COL25A1: variants seen among roughly 807,000 people sequenced by gnomAD.
The protein encoded by COL25A1 is collagen type XXV alpha 1 chain.
COL25A1 carries 103 observed loss-of-function variants against 128.4 expected under a neutral mutation model. The ratio of observed to expected loss-of-function variants is 0.80; its 90% confidence interval spans 0.68 to 0.94. The LOEUF (loss-of-function observed/expected upper bound fraction) is 0.94, where lower values mean the gene tolerates loss of function less well. Ranked by LOEUF, COL25A1 falls within the 40% of genes least tolerant of loss-of-function variation. The probability of loss-of-function intolerance (pLI) is 0.00; values close to 1 mark genes in which losing one functional copy is unlikely to be tolerated. For synonymous variants in COL25A1, 279 were observed against 277.2 expected (o/e 1.01, Z -0.06); for missense variants, 745 against 840.0 (o/e 0.89, Z 1.40).
chr4:108,844,383 G>T, intron 30 of COL25A1, 136 bp downstream of exon 30: 1 of 1,439,970 alleles, frequency 6.9e-7, no homozygotes, highest in Non-Finnish European at 9.6e-7. Flanking sequence ...ATATCTCAAA[G>T]CACCTGGTAT....
intron 3 of COL25A1, among the ~76,000 whole-genome samples, chr4:109,142,867 G>T (rs1047223395): frequency 1.3e-5 from 2 of 151,858 alleles, no homozygotes; most frequent in Admixed American, 1.3e-4. Context: ...TATCCAATTT[G>T]CCAGTCTGTG....
At chr4:109,243,943 G>A (rs745398582) in intron 3 of COL25A1, among the ~76,000 whole-genome samples, 5 of 152,030 alleles carry the variant, frequency 3.3e-5, no homozygotes, top group Admixed American at 6.6e-5. Flanking sequence ...GTCTCAGAAA[G>A]TACTGAAGGC....
In COL25A1 at chr4:109,222,055, A is replaced by ACCT. The variant is rs1264369583; in HGVS notation, c.367+78527_367+78528insAGG. On this transcript the variant is annotated intron_variant, in intron 3 of 37. Coordinates refer to ENST00000399132, the MANE Select transcript of COL25A1 (RefSeq NM_198721.4). ...ACTTTTTGTATTTGTGCTCTAAATA[A>ACCT]CTTCTTTTTTTTTTTTTTTTTTTTT... Among the ~76,000 whole-genome samples, 643 of 122,502 alleles carry ACCT rather than the reference A, an allele frequency of 5.2e-3. 18 individuals are homozygous for ACCT. Among genetic ancestry groups the ACCT allele is most frequent in the African/African-American group, 0.022 (570 of 26,476 alleles). The allele number at this position is 122,502 out of a possible 152,430, so 80.4% of individuals were successfully genotyped here. A position where few individuals can be genotyped will look rare whatever the true frequency, so the allele number is the denominator to read the frequency against.
chr4:108,843,233 A>G (rs1417942980), intron 30 of COL25A1, among the ~76,000 whole-genome samples: 3 of 151,974 alleles, frequency 2.0e-5, no homozygotes, highest in Admixed American at 6.6e-5. Flanking sequence ...AAAAGAAAAT[A>G]AGGTCAATAA....
intron 3 of COL25A1, among the ~76,000 whole-genome samples, chr4:109,119,463 T>C (rs1767913642): frequency 6.6e-6 from 1 of 151,832 alleles, no homozygotes. Context: ...ACACACAAAT[T>C]GCTGATAAAG....
intron 3 of COL25A1, among the ~76,000 whole-genome samples, chr4:109,234,189 T>A (rs1043587611): frequency 4.6e-5 from 7 of 152,160 alleles, no homozygotes; most frequent in African/African-American, 1.7e-4. Flanking sequence ...TCAAAATGTC[T>A]CTTTGCATAA....
intron 6 of COL25A1, 24 bp from the exon 7 acceptor site, chr4:108,974,583 A>C: frequency 6.3e-7 from 1 of 1,580,668 alleles, no homozygotes; most frequent in Non-Finnish European, 8.6e-7. Context: ...AGAGAAAAAA[A>C]ATTTTAATTA....
intron 3 of COL25A1, among the ~76,000 whole-genome samples, chr4:109,133,451 T>C (rs980621192): frequency 2.4e-4 from 36 of 152,066 alleles, no homozygotes; most frequent in East Asian, 3.9e-4. Flanking sequence ...CATTAAGACA[T>C]TGAAGGAAAA....
chr4:108,852,766 A>G, intron 25 of COL25A1, 136 bp downstream of exon 25: 1 of 687,398 alleles, frequency 1.5e-6, no homozygotes. Flanking sequence ...GAGCAAATGT[A>G]AAAGATTATT....
intron 3 of COL25A1, among the ~76,000 whole-genome samples, chr4:109,260,712 T>C (rs1255600420): frequency 1.3e-5 from 2 of 152,170 alleles, no homozygotes; most frequent in Non-Finnish European, 2.9e-5. Flanking sequence ...GCCAGGCTGG[T>C]CTCGAATTCC....
At chr4:109,047,888 A>G (rs552598949) in intron 5 of COL25A1, among the ~76,000 whole-genome samples, 1 of 151,882 alleles carries the variant, frequency 6.6e-6, no homozygotes, top group East Asian at 1.9e-4. Flanking sequence ...GCCCACCAAC[A>G]TGTCCAGCTA....
chr4:109,274,240 A>G (rs751778089), intron 3 of COL25A1, among the ~76,000 whole-genome samples: 32 of 152,318 alleles, frequency 2.1e-4, no homozygotes, highest in South Asian at 4.1e-4. Context: ...TTCAAAGTCT[A>G]TTCTTCCAAT....
chr4:109,128,721 T>C (rs572561771), intron 3 of COL25A1, among the ~76,000 whole-genome samples: 3 of 152,214 alleles, frequency 2.0e-5, no homozygotes, highest in Non-Finnish European at 4.4e-5. Context: ...CATGGTATAC[T>C]GGAAGAAACC....
At chr4:109,194,341 C>G (rs1164362604) in intron 3 of COL25A1, among the ~76,000 whole-genome samples, 1 of 152,168 alleles carries the variant, frequency 6.6e-6, no homozygotes, top group Non-Finnish European at 1.5e-5. Context: ...ATCATAGTGT[C>G]ATGTATATCA....
At chr4:108,837,080 A>ACAAT (rs1192288260) in intron 31 of COL25A1, among the ~76,000 whole-genome samples, 1 of 152,230 alleles carries the variant, frequency 6.6e-6, no homozygotes, top group Non-Finnish European at 1.5e-5. Context: ...CTCTGTCTCA[A>ACAAT]AAATAAATAA....
At chr4:109,172,191 T>C (rs1773652536) in intron 3 of COL25A1, among the ~76,000 whole-genome samples, 3 of 152,110 alleles carry the variant, frequency 2.0e-5, no homozygotes, top group African/African-American at 7.2e-5. Context: ...TTCAAAAATA[T>C]GTGTTGCACC....
chr4:109,097,820 C>A (rs148172828), intron 3 of COL25A1, among the ~76,000 whole-genome samples: 2 of 151,608 alleles, frequency 1.3e-5, no homozygotes, highest in Non-Finnish European at 1.5e-5. Flanking sequence ...CGCACCACCA[C>A]GCCCAGCTAA....
chr4:109,245,268 A>G (rs1467921019), intron 3 of COL25A1, among the ~76,000 whole-genome samples: 1 of 152,180 alleles, frequency 6.6e-6, no homozygotes, highest in African/African-American at 2.4e-5. Context: ...TTATAGCCAA[A>G]TATAGGAATC....
Position 109,236,795 on chromosome 4 carries a change from A to G in COL25A1, c.367+63788T>C, listed in dbSNP as rs1050340368. Reference sequence around the variant, plus strand: ...TTACATTATTTAAATATCATTTACAAACCATGTTAAAAGCTATGGATGCTG... The same window carrying G: ...TTACATTATTTAAATATCATTTACAGACCATGTTAAAAGCTATGGATGCTG... On this transcript the variant is annotated intron_variant, in intron 3 of 37. Coordinates refer to ENST00000399132, the MANE Select transcript of COL25A1 (RefSeq NM_198721.4). Among the ~76,000 whole-genome samples, 22 of 152,180 alleles carry G rather than the reference A, an allele frequency of 1.4e-4. 1 individual carries two copies. In the East Asian group the frequency reaches 4.2e-3, roughly 29 times the overall value.
Sources: gnomAD v4.1 joint callset for allele counts (sites outside exome capture counted in the v4.1 genomes callset) on GRCh38, gnomAD v4.1.1 for gene constraint, MANE v1.5 for transcripts, NCBI Gene and HGNC (gene_info 2026-07-23, HGNC 2026-07-21) for gene names.